FBXO33: variants seen among roughly 807,000 people sequenced by gnomAD.
FBXO33 encodes F-box protein 33.
A neutral mutation model predicts 46.3 loss-of-function variants in FBXO33; 22 were observed. The ratio of observed to expected loss-of-function variants is 0.48; its 90% CI spans 0.34 to 0.68. The LOEUF (loss-of-function observed/expected upper bound fraction) is 0.68. Among genes scored for constraint, FBXO33 ranks in the 30% least tolerant of loss-of-function variants. FBXO33 has a pLI of 0.01. For synonymous variants in FBXO33, 337 were observed against 291.3 expected (o/e 1.16, Z -1.60); for missense variants, 692 against 708.8 (o/e 0.98, Z 0.27).
intron 1 of FBXO33, among the ~76,000 whole-genome samples, chr14:39,426,101 GTTAT>G (rs1166896042): frequency 1.3e-5 from 2 of 151,322 alleles, no homozygotes; most frequent in Non-Finnish European, 3.0e-5. Flanking sequence ...ACTTGCGGTT[GTTAT>G]TTAACATGCT....
rs2075552816 is a variant in FBXO33 at position 39,431,609 on chromosome 14, T to C, written c.554A>G (p.Tyr185Cys). The C allele has an allele frequency of 6.2e-7, 1 of 1,613,448 alleles. No individual in the cohort carries two copies. The highest frequency in any genetic ancestry group is 8.5e-7 in the Non-Finnish European group (1 of 1,180,010). ...SARWLEVLRT[Y>C]LELVLCVLVS... ...CAGCACGCAAAGCACCAGCTCCAAGTAGGTGCGCAGCACTTCCAGCCAACG... is the reference window on the plus strand; with the variant it reads ...CAGCACGCAAAGCACCAGCTCCAAGCAGGTGCGCAGCACTTCCAGCCAACG... The change falls in exon 1 of 4, where the codon TAC becomes TGC. Residue 185 changes from tyrosine to cysteine, a missense_variant. By Grantham distance (194) the Tyr-to-Cys change is radical. Transcript: ENST00000298097.
intron 1 of FBXO33, among the ~76,000 whole-genome samples, chr14:39,423,881 T>C (rs2075497789): frequency 6.6e-6 from 1 of 152,216 alleles, no homozygotes; most frequent in African/African-American, 2.4e-5. Context: ...TATTGTGTAA[T>C]ACTGAGGTCT....
chr14:39,398,487 G>GT lies in FBXO33; in HGVS notation c.*1028dup, dbSNP rs1238651458. ...TTTCTTTTTTTTTTTTTTTTGTTTT[G>GT]TTTTTTCAGAGTTCTGAGGTTGCTG... On this transcript the variant is annotated 3_prime_UTR_variant, in exon 4 of 4. Transcript: ENST00000298097. The GT allele has an allele frequency of 1.3e-5, 1 of 75,930 alleles. No homozygotes were observed. Among genetic ancestry groups the GT allele is most frequent in the Non-Finnish European group, 2.7e-5 (1 of 36,514 alleles). 4.7% of individuals were successfully genotyped at this position (75,930 alleles called of 1,614,324 possible).
At position 39,406,775 on chromosome 14, in the gene FBXO33, C is replaced by T. The variant is rs543474425; in HGVS notation, c.600-4264G>A. 2.4e-4 allele frequency among the ~76,000 whole-genome samples: 37 copies of T among 152,184 alleles called. No homozygotes were observed. The South Asian group carries it at 5.4e-3, about 22-fold the overall frequency. ...AAAACTACAAGTCTGAAGAGAGAAC[C>T]GCTGGAAAGCAGTAGAGTCCACACA... is the stretch of plus-strand genomic sequence containing the variant. On this transcript the variant is annotated intron_variant, in intron 1 of 3. Coordinates refer to ENST00000298097, the MANE Select transcript of FBXO33 (RefSeq NM_203301.4).
chr14:39,416,084 A>G (rs921947779), intron 1 of FBXO33, among the ~76,000 whole-genome samples: 1 of 152,182 alleles, frequency 6.6e-6, no homozygotes, highest in African/African-American at 2.4e-5. Context: ...TTACTGTCAT[A>G]TGCTTTGTGT....
rs144152967 is a variant in FBXO33 at position 39,401,417 on chromosome 14, T to C, written c.1155A>G (p.Leu385=). ...MAFDIKSEDM[L]KILKPSIPLE... is the part of the protein sequence containing the mutation. ...GTGGTATACTGGGTTTCAGAATCTTTAACATATCTTCACTCTTGATATCAA... is the reference window on the plus strand; with the variant it reads ...GTGGTATACTGGGTTTCAGAATCTTCAACATATCTTCACTCTTGATATCAA... Residue 385 remains leucine (L), a synonymous_variant, in exon 3 of 4, where the codon TTA becomes TTG. Coordinates refer to ENST00000298097, the MANE Select transcript of FBXO33 (RefSeq NM_203301.4). 5.0e-6 allele frequency: 8 copies of C among 1,614,102 alleles called. No individual in the cohort carries two copies. In the African/African-American group the frequency reaches 1.1e-4, roughly 22 times the overall value.
In FBXO33 at chr14:39,432,112, G is replaced by C. The variant is rs2075563417; in HGVS notation, c.51C>G (p.Thr17=). 8.0e-7 allele frequency: 1 copy of C among 1,244,714 alleles called. No homozygotes were observed. The highest frequency in any genetic ancestry group is 1.0e-6 in the Non-Finnish European group (1 of 997,822). 77.1% of individuals were successfully genotyped at this position (1,244,714 alleles called of 1,614,324 possible). Residue 17 remains threonine, a synonymous_variant, in exon 1 of 4, where the codon ACC becomes ACG. Coordinates refer to ENST00000298097, the MANE Select transcript of FBXO33 (RefSeq NM_203301.4). ...GCGCCACCCGGGCGGCCCCGGCTCGGGTTCGAGCTCCCGGCGGTCGGGGCT... is the reference window on the plus strand; with the variant it reads ...GCGCCACCCGGGCGGCCCCGGCTCGCGTTCGAGCTCCCGGCGGTCGGGGCT... ...VPQPRPPGAR[T]RAGAARVARW... is the part of the protein sequence containing the mutation.
chr14:39,407,229 C>T (rs1025270588), intron 1 of FBXO33, among the ~76,000 whole-genome samples: 3 of 152,150 alleles, frequency 2.0e-5, no homozygotes, highest in Admixed American at 1.3e-4. Flanking sequence ...CAGTCCTATA[C>T]ACTGAAAACT....
chr14:39,421,780 T>TCACA (rs10582893), intron 1 of FBXO33, among the ~76,000 whole-genome samples: 8,584 of 149,076 alleles, frequency 0.058, 294 homozygotes, highest in South Asian at 0.14. Context: ...TGAGTACAAA[T>TCACA]CACACACACA....
At chr14:39,415,596 CTGA>C (rs1182417536) in intron 1 of FBXO33, among the ~76,000 whole-genome samples, 1 of 152,164 alleles carries the variant, frequency 6.6e-6, no homozygotes, top group East Asian at 1.9e-4. Context: ...TACGTTGCTA[CTGA>C]TGTTCTAATT....
intron 1 of FBXO33, among the ~76,000 whole-genome samples, chr14:39,418,619 C>T (rs1456381580): frequency 6.7e-6 from 1 of 150,292 alleles, no homozygotes; most frequent in South Asian, 2.1e-4. Flanking sequence ...ACTAAAAATA[C>T]AAAAAATTAG....
At position 39,401,196 on chromosome 14, in the gene FBXO33, A is replaced by G; in HGVS notation, c.1376T>C (p.Leu459Pro). ...LVLLAWRCTK[L>P]SLLAIHGYTV... Reference sequence around the variant, plus strand: ...CCTACCATGAATTGCCAGAAGAGAGAGCTTTGTGCACCTCCATGCTAATAA... The same window carrying G: ...CCTACCATGAATTGCCAGAAGAGAGGGCTTTGTGCACCTCCATGCTAATAA... Residue 459 changes from leucine to proline, a missense_variant, in exon 3 of 4, where the codon CTC becomes CCC. Around this residue, in one of 3 missense-constraint regions of FBXO33, gnomAD observed 186 missense variants for 246.1 expected, o/e 0.76. Coordinates refer to ENST00000298097, the MANE Select transcript of FBXO33 (RefSeq NM_203301.4). 2 of 1,590,934 alleles carry G rather than the reference A, an allele frequency of 1.3e-6. No homozygotes were observed. Among genetic ancestry groups the G allele is most frequent in the Non-Finnish European group, 1.7e-6 (2 of 1,170,722 alleles).
At chr14:39,405,476 T>A (rs982020451) in intron 1 of FBXO33, among the ~76,000 whole-genome samples, 1 of 142,802 alleles carries the variant, frequency 7.0e-6, no homozygotes, top group Non-Finnish European at 1.6e-5. Context: ...ATATTAGAAA[T>A]GAAAATCAGG....
intron 1 of FBXO33, among the ~76,000 whole-genome samples, chr14:39,423,945 C>A (rs559031586): frequency 3.2e-4 from 49 of 152,230 alleles, no homozygotes; most frequent in African/African-American, 1.2e-3. Context: ...CAACTCTTAC[C>A]CTGCTGCCTC....
At chr14:39,414,976 G>C (rs2075440692) in intron 1 of FBXO33, among the ~76,000 whole-genome samples, 1 of 152,078 alleles carries the variant, frequency 6.6e-6, no homozygotes, top group Non-Finnish European at 1.5e-5. Flanking sequence ...TAGGGATTTG[G>C]GCAGCTCAAT....
intron 3 of FBXO33, 60 bp downstream of exon 3, chr14:39,401,114 ACT>A: frequency 6.9e-7 from 1 of 1,441,692 alleles, no homozygotes; most frequent in South Asian, 1.4e-5. Flanking sequence ...CTATCTCTTT[ACT>A]GGCAGAAAAT....
At chr14:39,416,955 T>C (rs889000053) in intron 1 of FBXO33, among the ~76,000 whole-genome samples, 7 of 152,226 alleles carry the variant, frequency 4.6e-5, no homozygotes, top group Non-Finnish European at 7.3e-5. Flanking sequence ...CAGTACTTTT[T>C]CCAGTCTCAC....
At chr14:39,403,893 C>T (rs2075380462) in intron 1 of FBXO33, among the ~76,000 whole-genome samples, 1 of 151,628 alleles carries the variant, frequency 6.6e-6, no homozygotes, top group Non-Finnish European at 1.5e-5. Context: ...CCTCAACCTC[C>T]TGGGCTTAAG....
chr14:39,417,553 CAG>C (rs2075454639), intron 1 of FBXO33, among the ~76,000 whole-genome samples: 1 of 149,862 alleles, frequency 6.7e-6, no homozygotes, highest in Non-Finnish European at 1.5e-5. Context: ...TTTTTTGAAA[CAG>C]AGTCTTGCTC....
Sources: allele counts gnomAD v4.1 joint callset (sites outside exome capture counted in the v4.1 genomes callset), GRCh38; gene constraint gnomAD v4.1.1; regional missense constraint gnomAD v4.1.1; transcripts MANE v1.5; gene names NCBI Gene and HGNC (gene_info 2026-07-23, HGNC 2026-07-21).